The following CACNA1C variants were observed in gnomAD, a reference collection of about 807,000 sequenced individuals.
CACNA1C encodes the protein voltage-dependent L-type calcium channel subunit alpha-1C.
CACNA1C carries 30 observed loss-of-function variants against 229.0 expected under a neutral mutation model. The ratio of observed to expected loss-of-function variants is 0.13; its 90% confidence interval spans 0.10 to 0.18. CACNA1C has a LOEUF of 0.18. Among genes scored for constraint, CACNA1C ranks in the 10% least tolerant of loss-of-function variants. The pLI is 1.00. For missense variants in CACNA1C, 1,658 were observed against 2,845.0 expected, an observed-to-expected ratio of 0.58 and a Z score of 9.49; for synonymous variants, 1,114 against 1,132.5, an observed-to-expected ratio of 0.98 and a Z score of 0.33.
At chr12:2,234,542 C>T (rs1054779590) in intron 3 of CACNA1C, among the ~76,000 whole-genome samples, 51 of 152,200 alleles carry the variant, frequency 3.4e-4, no homozygotes, top group African/African-American at 1.2e-3. Context: ...GGCTCCTCAA[C>T]AGCCTGGAGC....
intron 3 of CACNA1C, among the ~76,000 whole-genome samples, chr12:2,298,586 C>T (rs531715265): frequency 1.3e-4 from 19 of 151,996 alleles, no homozygotes; most frequent in African/African-American, 4.3e-4. Flanking sequence ...CATGAGCCAC[C>T]GTGCCTGGCC....
At chr12:2,172,974 A>G (rs1240666839) in intron 3 of CACNA1C, among the ~76,000 whole-genome samples, 1 of 152,174 alleles carries the variant, frequency 6.6e-6, no homozygotes, top group Non-Finnish European at 1.5e-5. Context: ...CTGAGTTCTG[A>G]ATGGCAGGGA....
chr12:2,446,951 G>T (rs2099300823), intron 3 of CACNA1C, among the ~76,000 whole-genome samples: 1 of 152,164 alleles, frequency 6.6e-6, no homozygotes, highest in Non-Finnish European at 1.5e-5. Context: ...GACACCTAAT[G>T]GATACCCAAC....
intron 29 of CACNA1C, among the ~76,000 whole-genome samples, chr12:2,623,315 G>A (rs1270277780): frequency 2.0e-5 from 3 of 151,846 alleles, no homozygotes; most frequent in African/African-American, 7.3e-5. Flanking sequence ...GCTGTTCCTC[G>A]TGGTTCTGCT....
chr12:2,234,499 G>A (rs372770173), intron 3 of CACNA1C, among the ~76,000 whole-genome samples: 13 of 152,182 alleles, frequency 8.5e-5, no homozygotes, highest in African/African-American at 2.7e-4. Context: ...CAGGTGTGCC[G>A]AAGATACTGC....
chr12:2,089,153 G>A (rs2069044257), intron 1 of CACNA1C, among the ~76,000 whole-genome samples: 1 of 152,102 alleles, frequency 6.6e-6, no homozygotes, highest in Non-Finnish European at 1.5e-5. Context: ...GGGGCAGTGG[G>A]TAAAGGAGTG....
At chr12:2,107,216 GAAGCCGCTGGGCGTCCTT>G (rs1340151491) in intron 1 of CACNA1C, among the ~76,000 whole-genome samples, 112 of 144,276 alleles carry the variant, frequency 7.8e-4, no homozygotes, top group African/African-American at 2.8e-3. Context: ...GGGGTGTCCT[GAAGCCGCTGGGCGTCCTT>G]AAGCCACTGG....
In CACNA1C at chr12:2,433,480, C is replaced by G. The variant is rs145858366; in HGVS notation, c.478-15496C>G. Among the ~76,000 whole-genome samples the G allele has an allele frequency of 1.4e-3, 214 of 152,340 alleles. 1 individual carries two copies. The highest frequency in any genetic ancestry group is 5.0e-3 in the African/African-American group (207 of 41,584). ...CCATTCATCTATCCACCCATCCATT[C>G]ATCCACCCATTCACTCACGCATTCA... On this transcript the variant is annotated intron_variant, in intron 3 of 46. Transcript: ENST00000399655.
At chr12:2,688,842 G>C (rs2097659545) in intron 46 of CACNA1C, 63 bp downstream of exon 46, 2 of 1,285,050 alleles carry the variant, frequency 1.6e-6, no homozygotes, top group Non-Finnish European at 2.1e-6. Flanking sequence ...TTGGCATGCG[G>C]GGCTGAGAAG....
Position 2,253,092 on chromosome 12 carries a change from G to T in CACNA1C, c.477+132662G>T, listed in dbSNP as rs575402764. ...TCCCCAGGGGAGAAGTGACCTATCTGACTGGTGAGTTTGGTGTAGCCCCTT... is the reference window on the plus strand; with the variant it reads ...TCCCCAGGGGAGAAGTGACCTATCTTACTGGTGAGTTTGGTGTAGCCCCTT... On this transcript the variant is annotated intron_variant, in intron 3 of 46. Transcript: ENST00000399655. 1.1e-4 allele frequency among the ~76,000 whole-genome samples: 16 copies of T among 152,288 alleles called. 1 individual carries two copies. In the South Asian group the frequency reaches 2.9e-3, roughly 28 times the overall value.
At chr12:2,616,710 GA>G (rs1437908718) in intron 29 of CACNA1C, among the ~76,000 whole-genome samples, 1 of 152,262 alleles carries the variant, frequency 6.6e-6, no homozygotes, top group Non-Finnish European at 1.5e-5. Context: ...CCTAGTGACA[GA>G]AATCTAACAG....
chr12:2,304,524 T>TC (rs1318993154), intron 3 of CACNA1C, among the ~76,000 whole-genome samples: 1 of 152,114 alleles, frequency 6.6e-6, no homozygotes, highest in African/African-American at 2.4e-5. Flanking sequence ...CTGTGCCACC[T>TC]CCCGAGCAGG....
chr12:2,452,478 G>A (rs898740683), intron 4 of CACNA1C, among the ~76,000 whole-genome samples: 3 of 152,086 alleles, frequency 2.0e-5, no homozygotes, highest in East Asian at 1.9e-4. Flanking sequence ...ACAGCCTCAC[G>A]GTCCTTTTCT....
intron 3 of CACNA1C, among the ~76,000 whole-genome samples, chr12:2,385,904 C>T (rs1013244386): frequency 6.6e-6 from 1 of 152,144 alleles, no homozygotes; most frequent in Non-Finnish European, 1.5e-5. Context: ...CCAGCCCCAG[C>T]GACTCAGGAG....
At chr12:2,414,770 C>G (rs1485845055) in intron 3 of CACNA1C, among the ~76,000 whole-genome samples, 1 of 152,136 alleles carries the variant, frequency 6.6e-6, no homozygotes, top group African/African-American at 2.4e-5. Context: ...TTTTGTACCC[C>G]TTACTGAATG....
chr12:2,055,263 T>A lies in CACNA1C; in HGVS notation c.49+1652T>A, dbSNP rs548086168. On this transcript the variant is annotated intron_variant, in intron 1 of 46. Coordinates refer to ENST00000399655, the MANE Select transcript of CACNA1C (RefSeq NM_000719.7). ...GGAAGGAGTGAGACACAAAAGAGGG[T>A]GGTATTTGTGAAGAGTGGGGATGCA... Among the ~76,000 whole-genome samples the A allele has an allele frequency of 4.6e-5, 7 of 151,798 alleles. No homozygotes were observed. The South Asian group carries it at 1.5e-3, about 32-fold the overall frequency.
rs1434683466 is a variant in CACNA1C, at chr12:2,004,611, G to A, written c.139+33410G>A. 4 of 844,650 alleles carry A rather than the reference G, an allele frequency of 4.7e-6. No individual in the cohort carries two copies. The African/African-American group carries it at 6.9e-5, about 15-fold the overall frequency. 52.3% of individuals were successfully genotyped at this position (844,650 alleles called of 1,614,324 possible). A position where few individuals can be genotyped will look rare whatever the true frequency, so the allele number is the denominator to read the frequency against. ...CAGACGCAAGGCCTCACTAATCGAT[G>A]GCCGCGCCCCGCCCACTGAGGATCG... On this transcript the variant is annotated intron_variant, in intron 1 of 46. Coordinates refer to the CACNA1C transcript ENST00000682462.
Position 2,532,251 on chromosome 12 carries a change from G to A in CACNA1C, c.1391-17692G>A, listed in dbSNP as rs1409249423. ...TACACCATGTTCCTTCTCAACCAAG[G>A]AGCCAGCACTGAGCAGAGAGGAGCT... On this transcript the variant is annotated intron_variant, in intron 9 of 46. Coordinates refer to ENST00000399655, the MANE Select transcript of CACNA1C (RefSeq NM_000719.7). Among the ~76,000 whole-genome samples, 3 of 152,176 alleles carry A rather than the reference G, an allele frequency of 2.0e-5. No individual in the cohort carries two copies. The East Asian group carries it at 5.8e-4, about 29-fold the overall frequency.
chr12:2,589,241 G>A (rs901019372), intron 18 of CACNA1C, among the ~76,000 whole-genome samples: 2 of 152,200 alleles, frequency 1.3e-5, no homozygotes, highest in African/African-American at 4.8e-5. Flanking sequence ...TGGGGAGACA[G>A]GCAGCAGACA....
Sources: gnomAD v4.1 joint callset for allele counts (sites outside exome capture counted in the v4.1 genomes callset) on GRCh38, gnomAD v4.1.1 for gene constraint, MANE v1.5 for transcripts, NCBI Gene and HGNC (gene_info 2026-07-23, HGNC 2026-07-21) for gene names.